The following CDR2L variants were observed in gnomAD, a reference collection of about 807,000 sequenced individuals.
CDR2L encodes cerebellar degeneration-related protein 2-like.
CDR2L carries 19 observed loss-of-function variants against 36.1 expected under a neutral mutation model. The ratio of observed to expected loss-of-function variants is 0.53; its 90% confidence interval spans 0.37 to 0.77. The LOEUF is 0.77. Among genes scored for constraint, CDR2L ranks in the 30% least tolerant of loss-of-function variants. CDR2L has a pLI of 0.00. For missense variants in CDR2L, 575 were observed against 627.2 expected, an observed-to-expected ratio of 0.92 and a Z score of 0.89; for synonymous variants, 285 against 280.4, an observed-to-expected ratio of 1.02 and a Z score of -0.16.
intron 2 of CDR2L, 113 bp from the exon 3 acceptor site, chr17:75,001,228 T>C: frequency 1.7e-6 from 2 of 1,167,254 alleles, no homozygotes. Context: ...AGTGAGACTC[T>C]GTATCAAAAG....
Position 74,999,594 on chromosome 17 carries a change from A to C in CDR2L, c.170A>C (p.Glu57Ala). The change falls in exon 2 of 5, where the codon GAG (glutamate) becomes GCG (alanine). Residue 57 changes from glutamate to alanine, a missense_variant. Transcript: ENST00000337231. Reference sequence around the variant, plus strand: ...CTGCAGCAGATGTACTCCACCAATGAGGAACAGGTGCAGGAGATCGAGGTG... The same window carrying C: ...CTGCAGCAGATGTACTCCACCAATGCGGAACAGGTGCAGGAGATCGAGGTG... Reference protein sequence around the residue: ...GSLQQMYSTNEEQVQEIEYLT... With the variant: ...GSLQQMYSTNAEQVQEIEYLT... 6.3e-7 allele frequency: 1 copy of C among 1,579,114 alleles called. No homozygotes were observed. The highest frequency in any genetic ancestry group is 1.2e-5 in the South Asian group (1 of 85,620).
chr17:74,999,836 T>A (rs1223363635), intron 2 of CDR2L, among the ~76,000 whole-genome samples: 1 of 151,546 alleles, frequency 6.6e-6, no homozygotes, highest in Non-Finnish European at 1.5e-5. Flanking sequence ...AGACACCAAG[T>A]CTCACCATGT....
rs1383930707 is a variant in CDR2L at position 74,989,058 on chromosome 17, T to C, written c.79+936T>C. 6.6e-6 allele frequency among the ~76,000 whole-genome samples: 1 copy of C among 152,168 alleles called. No individual in the cohort carries two copies. Among genetic ancestry groups the C allele is most frequent in the Non-Finnish European group, 1.5e-5 (1 of 68,012 alleles). On this transcript the variant is annotated intron_variant, in intron 1 of 4. Transcript: ENST00000337231. This position sits in a 1 kb window ranked among gnomAD's most constrained non-coding sequence, Gnocchi z 4.2. Reference sequence around the variant, plus strand: ...GAAACATGTCCAGGGAGAAGTGACCTTCCCATGGCCTCCAGCAAGCTGGGG... The same window carrying C: ...GAAACATGTCCAGGGAGAAGTGACCCTCCCATGGCCTCCAGCAAGCTGGGG...
intron 1 of CDR2L, among the ~76,000 whole-genome samples, chr17:74,991,406 T>TA (rs36002396): frequency 0.63 from 65,184 of 103,526 alleles, 19,669 homozygotes; most frequent in East Asian, 0.82. Context: ...ACTCTGTCTT[T>TA]AAAAAAAAAA....
Position 74,993,087 on chromosome 17 carries a change from G to A in CDR2L, c.79+4965G>A, listed in dbSNP as rs2039806172. Among the ~76,000 whole-genome samples the A allele has an allele frequency of 2.0e-5, 3 of 152,308 alleles. No individual in the cohort carries two copies. In the South Asian group the frequency reaches 6.2e-4, roughly 32 times the overall value. On this transcript the variant is annotated intron_variant, in intron 1 of 4. Coordinates refer to ENST00000337231, the MANE Select transcript of CDR2L (RefSeq NM_014603.3). ...AGTTTCCAAGGGGGAAAACATTTAG[G>A]AGAGTAGCCCTCTGATCTCTTTCAT...
intron 1 of CDR2L, among the ~76,000 whole-genome samples, chr17:74,998,697 A>T (rs1490422131): frequency 6.6e-6 from 1 of 152,206 alleles, no homozygotes; most frequent in Non-Finnish European, 1.5e-5. Flanking sequence ...GGAAAGATCT[A>T]GAGAAGTTGA....
intron 4 of CDR2L, 57 bp from the exon 5 acceptor site, chr17:75,003,126 C>A: frequency 6.5e-7 from 1 of 1,530,028 alleles, no homozygotes; most frequent in Non-Finnish European, 8.8e-7. Flanking sequence ...TGGCCGTGCC[C>A]GTGACCACTG....
In CDR2L at chr17:74,989,748, G is replaced by C. The variant is rs34721207; in HGVS notation, c.79+1626G>C. 6.6e-6 allele frequency among the ~76,000 whole-genome samples: 1 copy of C among 151,984 alleles called. No individual in the cohort carries two copies. The highest frequency in any genetic ancestry group is 2.4e-5 in the African/African-American group (1 of 41,342). On this transcript the variant is annotated intron_variant, in intron 1 of 4. Coordinates refer to ENST00000337231, the MANE Select transcript of CDR2L (RefSeq NM_014603.3). The surrounding 1 kb of genome is among the most constrained non-coding windows in gnomAD (Gnocchi z 4.2). Reference sequence around the variant, plus strand: ...CAGCTCACTGCAACCTCCATCTCCCGGGTTCAAGTGATTCTCCTGCCTCAG... The same window carrying C: ...CAGCTCACTGCAACCTCCATCTCCCCGGTTCAAGTGATTCTCCTGCCTCAG...
intron 1 of CDR2L, among the ~76,000 whole-genome samples, chr17:74,990,128 A>C (rs1334299973): frequency 7.9e-5 from 12 of 152,198 alleles, no homozygotes; most frequent in Admixed American, 6.5e-4. Flanking sequence ...ATGGGAAAGG[A>C]GCCAGGGCAT....
At position 74,989,848 on chromosome 17, in the gene CDR2L, A is replaced by C. The variant is rs2039786197; in HGVS notation, c.79+1726A>C. On this transcript the variant is annotated intron_variant, in intron 1 of 4. Coordinates refer to ENST00000337231, the MANE Select transcript of CDR2L (RefSeq NM_014603.3). The surrounding 1 kb of genome is among the most constrained non-coding windows in gnomAD (Gnocchi z 4.2). ...GAGACAGGGTTTCACCATGTTGGCCAGGCTGCTCTCAAACTCCTGACCTCA... is the reference window on the plus strand; with the variant it reads ...GAGACAGGGTTTCACCATGTTGGCCCGGCTGCTCTCAAACTCCTGACCTCA... 6.6e-6 allele frequency among the ~76,000 whole-genome samples: 1 copy of C among 152,068 alleles called. No individual in the cohort carries two copies. The highest frequency in any genetic ancestry group is 6.6e-5 in the Admixed American group (1 of 15,266).
chr17:75,000,960 G>A (rs1002380360), intron 2 of CDR2L, among the ~76,000 whole-genome samples: 11 of 151,698 alleles, frequency 7.3e-5, no homozygotes, highest in East Asian at 1.9e-4. Flanking sequence ...AGAGGCTGGC[G>A]TGGTGGTGCA....
At position 75,002,027 on chromosome 17, in the gene CDR2L, C is replaced by T; in HGVS notation, c.342-37C>T. On this transcript the variant is annotated intron_variant, in intron 3 of 4. Coordinates refer to ENST00000337231, the MANE Select transcript of CDR2L (RefSeq NM_014603.3). This position sits in a 1 kb window ranked among gnomAD's most constrained non-coding sequence, Gnocchi z 4.1. ...GCCGTGAGGCAAACTGGCCCCATCC[C>T]CTTAAAGTCCCTGTGTGTCCACCAC... 6.6e-7 allele frequency: 1 copy of T among 1,510,176 alleles called. No individual in the cohort carries two copies. Among genetic ancestry groups the T allele is most frequent in the South Asian group, 1.3e-5 (1 of 75,492 alleles). The allele number at this position is 1,510,176 out of a possible 1,614,324, so 93.5% of individuals were successfully genotyped here. A position where few individuals can be genotyped will look rare whatever the true frequency, so the allele number is the denominator to read the frequency against.
Position 75,003,795 on chromosome 17 carries a change from G to A in CDR2L, c.1119G>A (p.Lys373=). The change falls in exon 5 of 5, where the codon AAG becomes AAA. Residue 373 remains lysine (K), a synonymous_variant. Transcript: ENST00000337231. ...AGAAGTACGAGGAGCTGCTGAGCAAGTGCCGGCAGCACGGGGCCGGAGTGC... is the reference window on the plus strand; with the variant it reads ...AGAAGTACGAGGAGCTGCTGAGCAAATGCCGGCAGCACGGGGCCGGAGTGC... ...LLEKYEELLS[K]CRQHGAGVRH... The A allele has an allele frequency of 6.5e-7, 1 of 1,533,354 alleles. No individual in the cohort carries two copies. Among genetic ancestry groups the A allele is most frequent in the East Asian group, 2.4e-5 (1 of 41,200 alleles). 95.0% of individuals were successfully genotyped at this position (1,533,354 alleles called of 1,614,324 possible).
chr17:75,001,601 G>A (rs1285228313), intron 3 of CDR2L, 112 bp downstream of exon 3: 8 of 993,544 alleles, frequency 8.1e-6, no homozygotes, highest in African/African-American at 1.6e-5. Context: ...CCTAGGAACC[G>A]GGGATGGGAG....
intron 1 of CDR2L, among the ~76,000 whole-genome samples, chr17:74,997,070 TTCTTTCTTTCTTTC>T (rs778882563): frequency 0.35 from 4,937 of 13,984 alleles, 377 homozygotes; most frequent in Non-Finnish European, 0.49. Context: ...CTTTCTTTCT[TTCTTTCTTTCTTTC>T]TTTTTTTTTT....
At chr17:74,994,866 C>G (rs1232666309) in intron 1 of CDR2L, among the ~76,000 whole-genome samples, 1 of 151,932 alleles carries the variant, frequency 6.6e-6, no homozygotes, top group Non-Finnish European at 1.5e-5. Context: ...GTCAAGAGAT[C>G]GAGACCATCC....
At chr17:74,998,922 G>A (rs368872665) in intron 1 of CDR2L, among the ~76,000 whole-genome samples, 3 of 152,150 alleles carry the variant, frequency 2.0e-5, no homozygotes, top group South Asian at 2.1e-4. Flanking sequence ...GCTGTGATCC[G>A]CCACACTCAC....
rs368672422 is a variant in CDR2L, at chr17:74,999,325, C to CACACAAA, written c.80-178_80-177insCACAAAA. On this transcript the variant is annotated intron_variant, in intron 1 of 4. Coordinates refer to ENST00000337231, the MANE Select transcript of CDR2L (RefSeq NM_014603.3). ...ACACACACACACACACAGACACACA[C>CACACAAA]AAAAAGAACATTCCAGGCAGAAATA... is the stretch of plus-strand genomic sequence containing the variant. 3.3e-5 allele frequency among the ~76,000 whole-genome samples: 5 copies of CACACAAA among 150,976 alleles called. No homozygotes were observed. The East Asian group carries it at 8.0e-4, about 24-fold the overall frequency.
Position 75,003,609 on chromosome 17 carries a change from C to T in CDR2L, c.933C>T (p.His311=). ...GVSSPAASPG[H]VVRKSCSDTA... ...CCTCACCGGCAGCCTCTCCAGGCCACGTGGTGCGCAAGAGCTGCAGCGACA... is the reference window on the plus strand; with the variant it reads ...CCTCACCGGCAGCCTCTCCAGGCCATGTGGTGCGCAAGAGCTGCAGCGACA... The change falls in exon 5 of 5, where the codon CAC becomes CAT. Residue 311 remains histidine, a synonymous_variant. Transcript: ENST00000337231. 4.7e-6 allele frequency: 7 copies of T among 1,491,004 alleles called. No homozygotes were observed. Among genetic ancestry groups the T allele is most frequent in the Non-Finnish European group, 3.6e-6 (4 of 1,121,118 alleles). 92.4% of individuals were successfully genotyped at this position (1,491,004 alleles called of 1,614,324 possible).
Sources: gnomAD v4.1 joint callset for allele counts (sites outside exome capture counted in the v4.1 genomes callset) on GRCh38, gnomAD v4.1.1 for gene constraint, Gnocchi (gnomAD v3.1) non-coding constraint, MANE v1.5 for transcripts, NCBI Gene and HGNC (gene_info 2026-07-23, HGNC 2026-07-21) for gene names.